ZEB1: variants seen among roughly 807,000 people sequenced by gnomAD.
ZEB1 encodes zinc finger E-box binding homeobox 1, also known as zinc finger E-box-binding homeobox 1.
A neutral mutation model predicts 84.9 loss-of-function variants in ZEB1; 21 were observed. The ratio of observed to expected loss-of-function variants is 0.25; its 90% CI spans 0.18 to 0.36. The LOEUF (loss-of-function observed/expected upper bound fraction) is 0.36. Among genes scored for constraint, ZEB1 ranks in the 10% least tolerant of loss-of-function variants. The pLI is 1.00. For missense variants in ZEB1, 1,104 were observed against 1,330.2 expected (o/e 0.83, Z 2.65); for synonymous variants, 420 against 471.1 (o/e 0.89, Z 1.41).
intron 1 of ZEB1, among the ~76,000 whole-genome samples, chr10:31,448,041 C>T (rs1295670618): frequency 6.7e-6 from 1 of 149,792 alleles, no homozygotes; most frequent in East Asian, 2.0e-4. Context: ...CCATCACTTT[C>T]AGGTACACCA....
intron 1 of ZEB1, among the ~76,000 whole-genome samples, chr10:31,366,921 T>G (rs1026118797): frequency 2.0e-5 from 3 of 152,190 alleles, no homozygotes; most frequent in African/African-American, 7.2e-5. Flanking sequence ...TCAGTCCCCT[T>G]TAGCATTCCA....
chr10:31,402,936 C>T (rs2052339416), intron 1 of ZEB1, among the ~76,000 whole-genome samples: 1 of 152,078 alleles, frequency 6.6e-6, no homozygotes, highest in Non-Finnish European at 1.5e-5. Flanking sequence ...TTTCTTAATA[C>T]AATCTTTTGG....
intron 2 of ZEB1, among the ~76,000 whole-genome samples, chr10:31,471,581 A>C (rs1166300664): frequency 7.0e-6 from 1 of 142,288 alleles, no homozygotes; most frequent in African/African-American, 2.7e-5. Context: ...GTGACCTACA[A>C]AGAGACTTAG....
chr10:31,389,260 A>C (rs1041008261), intron 1 of ZEB1, among the ~76,000 whole-genome samples: 1 of 152,152 alleles, frequency 6.6e-6, no homozygotes, highest in Non-Finnish European at 1.5e-5. Flanking sequence ...GATCATAGGT[A>C]GGAGGGAAAA....
intron 1 of ZEB1, among the ~76,000 whole-genome samples, chr10:31,328,083 C>G (rs1299743519): frequency 1.3e-5 from 2 of 152,082 alleles, no homozygotes; most frequent in African/African-American, 4.8e-5. Context: ...ATTTTAATGT[C>G]AAAATTTTGA....
intron 1 of ZEB1, among the ~76,000 whole-genome samples, chr10:31,407,402 A>C (rs1337327475): frequency 6.6e-6 from 1 of 152,016 alleles, no homozygotes; most frequent in Non-Finnish European, 1.5e-5. Context: ...AATTTCATCC[A>C]TGTCCCTACA....
chr10:31,474,766 G>A (rs1038407364), intron 2 of ZEB1, among the ~76,000 whole-genome samples: 5 of 152,084 alleles, frequency 3.3e-5, no homozygotes, highest in Non-Finnish European at 7.4e-5. Flanking sequence ...GCACACGTAT[G>A]TTTATTGAGG....
intron 2 of ZEB1, among the ~76,000 whole-genome samples, chr10:31,464,000 A>G (rs2137562720): frequency 6.6e-6 from 1 of 152,330 alleles, no homozygotes; most frequent in Middle Eastern, 3.4e-3. Context: ...TTAAAGAAAA[A>G]TCAGATGGTT....
Position 31,461,129 on chromosome 10 carries a change from G to A in ZEB1, c.151G>A (p.Ala51Thr). ...GGAAGAAGAAAGTGTTACAGATGCA[G>A]CTGACTGTGAAGGTGTACCAGAGGA... ...IVEEESVTDAADCEGVPEDDL... is the reference protein window; with the variant it reads ...IVEEESVTDATDCEGVPEDDL... Residue 51 changes from alanine (A) to threonine (T), a missense_variant, in exon 2 of 9, where the codon GCT (alanine) becomes ACT (threonine). This residue lies in a region of ZEB1 where 162 missense variants were observed against 184.5 expected (regional missense o/e 0.88). Transcript: ENST00000424869. 6.2e-7 allele frequency: 1 copy of A among 1,613,622 alleles called. No homozygotes were observed. The highest frequency in any genetic ancestry group is 8.5e-7 in the Non-Finnish European group (1 of 1,179,734).
chr10:31,358,497 A>G (rs919585607), intron 1 of ZEB1: 32 of 152,280 alleles, frequency 2.1e-4, no homozygotes, highest in African/African-American at 7.7e-4. Flanking sequence ...TATGCAGGCC[A>G]TAAATGGAAC....
intron 1 of ZEB1, chr10:31,319,831 C>T (rs1167739876): frequency 6.7e-6 from 1 of 148,460 alleles, no homozygotes; most frequent in Admixed American, 6.7e-5. Context: ...CGGCCCCGGC[C>T]GGCGCCGTCG....
intron 1 of ZEB1, among the ~76,000 whole-genome samples, chr10:31,340,122 T>C (rs1002708211): frequency 6.6e-6 from 1 of 152,188 alleles, no homozygotes; most frequent in Admixed American, 6.5e-5. Flanking sequence ...AATTTATTTG[T>C]GTGCATTACT....
chr10:31,491,898 G>A (rs891880873), intron 2 of ZEB1, among the ~76,000 whole-genome samples: 1 of 151,852 alleles, frequency 6.6e-6, no homozygotes, highest in Non-Finnish European at 1.5e-5. Flanking sequence ...GAAGATACAG[G>A]AGCAGGAAAA....
At chr10:31,418,371 T>C (rs2055570312) in intron 1 of ZEB1, among the ~76,000 whole-genome samples, 1 of 151,932 alleles carries the variant, frequency 6.6e-6, no homozygotes, top group Admixed American at 6.6e-5. Context: ...AATGTAGATT[T>C]GTTTGGACGG....
At chr10:31,319,854 C>T (rs1256686149) in intron 1 of ZEB1, 1 of 147,420 alleles carries the variant, frequency 6.8e-6, no homozygotes, top group African/African-American at 2.5e-5. Context: ...GTCGCTCGGG[C>T]CCCGCGACTC....
chr10:31,423,814 T>C (rs1467839230), intron 1 of ZEB1, among the ~76,000 whole-genome samples: 3 of 152,092 alleles, frequency 2.0e-5, no homozygotes, highest in African/African-American at 7.2e-5. Flanking sequence ...TGTTATCAGT[T>C]GTTCTTCAGG....
intron 1 of ZEB1, among the ~76,000 whole-genome samples, chr10:31,323,772 T>A (rs536425166): frequency 6.6e-6 from 1 of 152,092 alleles, no homozygotes; most frequent in Non-Finnish European, 1.5e-5. Flanking sequence ...AATATAACTG[T>A]AAATTTTAAG....
intron 1 of ZEB1, among the ~76,000 whole-genome samples, chr10:31,324,906 C>A (rs1159207864): frequency 6.6e-6 from 1 of 151,914 alleles, no homozygotes; most frequent in East Asian, 1.9e-4. Context: ...TTTGTAGCAA[C>A]CCTAGTTAAA....
At chr10:31,450,415 T>C (rs2060421280) in intron 1 of ZEB1, among the ~76,000 whole-genome samples, 1 of 129,618 alleles carries the variant, frequency 7.7e-6, no homozygotes, top group Non-Finnish European at 1.6e-5. Context: ...AAGATATTGA[T>C]TTTTTTCTTT....
Sources: allele counts gnomAD v4.1 joint callset (sites outside exome capture counted in the v4.1 genomes callset), GRCh38; gene constraint gnomAD v4.1.1; regional missense constraint gnomAD v4.1.1; transcripts MANE v1.5; gene names NCBI Gene and HGNC (gene_info 2026-07-23, HGNC 2026-07-21).